TTLL7: variants seen among roughly 807,000 people sequenced by gnomAD.
TTLL7 encodes the protein tubulin polyglutamylase TTLL7.
TTLL7 carries 53 observed loss-of-function variants against 120.2 expected under a neutral mutation model. That is an observed-to-expected ratio of 0.44 (90% CI 0.35 to 0.55). TTLL7 has a LOEUF of 0.55. Ranked by LOEUF, TTLL7 falls within the 20% of genes least tolerant of loss-of-function variation. TTLL7 has a pLI of 0.00. For synonymous variants in TTLL7, 353 were observed against 351.7 expected, an observed-to-expected ratio of 1.00 and a Z score of -0.04; for missense variants, 803 against 1,054.7, an observed-to-expected ratio of 0.76 and a Z score of 3.31.
At chr1:83,961,986 A>T (rs1452672613) in intron 1 of TTLL7, among the ~76,000 whole-genome samples, 8 of 152,250 alleles carry the variant, frequency 5.3e-5, no homozygotes, top group African/African-American at 1.9e-4. Context: ...TGAGCTGTGG[A>T]GTTGAAACTT....
chr1:83,992,843 A>T (rs1653133198), intron 1 of TTLL7, among the ~76,000 whole-genome samples: 1 of 144,668 alleles, frequency 6.9e-6, no homozygotes, highest in Admixed American at 7.2e-5. Flanking sequence ...TTTCTCTCCA[A>T]AAAACAACTA....
intron 9 of TTLL7, among the ~76,000 whole-genome samples, chr1:83,932,305 C>T (rs1376457975): frequency 6.6e-6 from 1 of 152,052 alleles, no homozygotes; most frequent in Non-Finnish European, 1.5e-5. Context: ...TAGCTAAGAA[C>T]AGGAAAGGAC....
chr1:83,991,196 G>A (rs999786515), intron 1 of TTLL7, among the ~76,000 whole-genome samples: 1 of 152,184 alleles, frequency 6.6e-6, no homozygotes, highest in African/African-American at 2.4e-5. Context: ...AGAGGGTGAA[G>A]CTAGGGGGAG....
chr1:83,927,601 T>C (rs1659242130), intron 10 of TTLL7, among the ~76,000 whole-genome samples: 1 of 152,190 alleles, frequency 6.6e-6, no homozygotes, highest in Non-Finnish European at 1.5e-5. Context: ...GGTTAAGTTA[T>C]ATTAGAAGCT....
At chr1:83,872,103 T>C (rs748732174) in intron 20 of TTLL7, among the ~76,000 whole-genome samples, 1 of 152,172 alleles carries the variant, frequency 6.6e-6, no homozygotes, top group Non-Finnish European at 1.5e-5. Flanking sequence ...ATAATCAAAC[T>C]ATACGCAGCA....
In TTLL7 at chr1:83,905,392, T is replaced by G. The variant is rs12566010; in HGVS notation, c.2127+937A>C. On this transcript the variant is annotated intron_variant, in intron 17 of 20. Coordinates refer to ENST00000260505, the MANE Select transcript of TTLL7 (RefSeq NM_024686.6). ...GCAAGAAAGTCTCTTTTATTGTTGT[T>G]TGTTTGCTTTTTGTTTCTACACACT... 1.2e-4 allele frequency among the ~76,000 whole-genome samples: 18 copies of G among 151,778 alleles called. No individual in the cohort carries two copies. In the East Asian group the frequency reaches 3.5e-3, roughly 29 times the overall value.
intron 5 of TTLL7, among the ~76,000 whole-genome samples, chr1:83,948,184 A>AACACACAC (rs35199174): frequency 0.016 from 2,335 of 147,440 alleles, 36 homozygotes; most frequent in African/African-American, 0.02. Flanking sequence ...GACACACACA[A>AACACACAC]ACACACACAC....
At chr1:83,874,470 C>A (rs1029326119) in intron 20 of TTLL7, among the ~76,000 whole-genome samples, 3 of 151,928 alleles carry the variant, frequency 2.0e-5, no homozygotes, top group African/African-American at 7.2e-5. Context: ...CTTTGTTTTT[C>A]ATTCTTTTGA....
intron 1 of TTLL7, among the ~76,000 whole-genome samples, chr1:83,974,245 T>C (rs1474888762): frequency 6.6e-6 from 1 of 151,944 alleles, no homozygotes; most frequent in Admixed American, 6.6e-5. Context: ...CGAACACATA[T>C]ATCTATGAAA....
chr1:83,982,175 T>A (rs1192356734), intron 1 of TTLL7, among the ~76,000 whole-genome samples: 4 of 152,188 alleles, frequency 2.6e-5, no homozygotes, highest in African/African-American at 7.2e-5. Flanking sequence ...ACAATACATT[T>A]CTAAATAGTC....
chr1:83,997,147 C>T (rs1162253478), intron 1 of TTLL7, among the ~76,000 whole-genome samples: 1 of 152,100 alleles, frequency 6.6e-6, no homozygotes, highest in Non-Finnish European at 1.5e-5. Context: ...ATCAATACCC[C>T]CGTTAACTTG....
chr1:83,910,220 A>G (rs1657561256), intron 15 of TTLL7, among the ~76,000 whole-genome samples: 2 of 152,136 alleles, frequency 1.3e-5, no homozygotes, highest in East Asian at 1.9e-4. Flanking sequence ...GCCAGTTTTA[A>G]AATATCCACA....
intron 1 of TTLL7, among the ~76,000 whole-genome samples, chr1:83,987,350 G>C (rs996730288): frequency 2.6e-5 from 4 of 152,102 alleles, no homozygotes; most frequent in African/African-American, 9.7e-5. Context: ...TCCATGGATT[G>C]AAAGAAGCAA....
chr1:83,991,473 C>G (rs1652993442), intron 1 of TTLL7, among the ~76,000 whole-genome samples: 1 of 152,024 alleles, frequency 6.6e-6, no homozygotes, highest in Non-Finnish European at 1.5e-5. Flanking sequence ...TGGCAAAACC[C>G]TGTCTTTACG....
chr1:83,872,108 G>A (rs181096359), intron 20 of TTLL7, among the ~76,000 whole-genome samples: 3 of 152,108 alleles, frequency 2.0e-5, no homozygotes, highest in East Asian at 3.9e-4. Context: ...CAAACTATAC[G>A]CAGCATTCAG....
At chr1:83,870,541 A>G (rs184242025) in intron 20 of TTLL7, among the ~76,000 whole-genome samples, 1 of 152,374 alleles carries the variant, frequency 6.6e-6, no homozygotes, top group Non-Finnish European at 1.5e-5. Context: ...TAATAGAAAA[A>G]GTTAAAGATT....
rs544062385 is a variant in TTLL7 at position 83,991,664 on chromosome 1, A to T, written c.-177+7267T>A. On this transcript the variant is annotated intron_variant, in intron 1 of 20. Transcript: ENST00000260505. ...GTCTCAAAAAAGAAAATATATATAT[A>T]TTAAAAATAATGCTACAAAATATTC... Among the ~76,000 whole-genome samples, 13 of 152,188 alleles carry T rather than the reference A, an allele frequency of 8.5e-5. No homozygotes were observed. In the South Asian group the frequency reaches 2.7e-3, roughly 32 times the overall value.
At chr1:83,912,828 G>C (rs1009512353) in intron 14 of TTLL7, 4 of 152,170 alleles carry the variant, frequency 2.6e-5, no homozygotes, top group Non-Finnish European at 4.4e-5. Context: ...TGTTCAAAGA[G>C]ATATGCATAA....
At chr1:83,948,184 A>AACACACACACACAC (rs35199174) in intron 5 of TTLL7, among the ~76,000 whole-genome samples, 5 of 147,368 alleles carry the variant, frequency 3.4e-5, no homozygotes, top group African/African-American at 9.9e-5. Flanking sequence ...GACACACACA[A>AACACACACACACAC]ACACACACAC....
Sources: allele counts gnomAD v4.1 joint callset (sites outside exome capture counted in the v4.1 genomes callset), GRCh38; gene constraint gnomAD v4.1.1; transcripts MANE v1.5; gene names NCBI Gene and HGNC (gene_info 2026-07-23, HGNC 2026-07-21).